Variants in RORA observed in about 807,000 individuals in gnomAD.
The protein encoded by RORA is RAR related orphan receptor A, also known as nuclear receptor ROR-alpha.
A neutral mutation model predicts 69.5 loss-of-function variants in RORA; 7 were observed. That is an observed-to-expected ratio of 0.10 (90% CI 0.06 to 0.19). The LOEUF (loss-of-function observed/expected upper bound fraction) is 0.19, where lower values mean the gene tolerates loss of function less well. Among genes scored for constraint, RORA ranks in the 10% least tolerant of loss-of-function variants. The probability of loss-of-function intolerance (pLI) is 1.00; values close to 1 mark genes in which losing one functional copy is unlikely to be tolerated. For missense variants in RORA, 457 were observed against 663.0 expected, an observed-to-expected ratio of 0.69 and a Z score of 3.41; for synonymous variants, 261 against 240.8, an observed-to-expected ratio of 1.08 and a Z score of -0.78.
intron 1 of RORA, among the ~76,000 whole-genome samples, chr15:60,696,849 A>G (rs1014306181): frequency 6.6e-6 from 1 of 152,206 alleles, no homozygotes; most frequent in Non-Finnish European, 1.5e-5. Flanking sequence ...GGCCAGAGCA[A>G]AGGTAAAAGA....
chr15:60,968,852 CATGT>C (rs1298621392), intron 1 of RORA, among the ~76,000 whole-genome samples: 1 of 152,156 alleles, frequency 6.6e-6, no homozygotes, highest in Admixed American at 6.5e-5. Context: ...ATGTACCCAT[CATGT>C]TTTTGATAGC....
intron 1 of RORA, among the ~76,000 whole-genome samples, chr15:60,684,546 G>A (rs2140760819): frequency 6.6e-6 from 1 of 152,344 alleles, no homozygotes; most frequent in Admixed American, 6.5e-5. Context: ...GAACCTGGGA[G>A]GTGGAGGTTG....
chr15:60,878,336 T>C (rs1248710347), intron 1 of RORA, among the ~76,000 whole-genome samples: 1 of 107,854 alleles, frequency 9.3e-6, no homozygotes, highest in African/African-American at 3.9e-5. Context: ...AGAGCAAGAC[T>C]CTGTCTCAAA....
At chr15:60,753,143 G>A (rs1472060141) in intron 1 of RORA, among the ~76,000 whole-genome samples, 2 of 152,210 alleles carry the variant, frequency 1.3e-5, no homozygotes, top group African/African-American at 4.8e-5. Context: ...AAAGGTTAGA[G>A]GTTCAGAACA....
At chr15:61,123,450 T>C (rs2079119642) in intron 1 of RORA, among the ~76,000 whole-genome samples, 1 of 152,074 alleles carries the variant, frequency 6.6e-6, no homozygotes, top group Non-Finnish European at 1.5e-5. Context: ...GTCTAATCCA[T>C]ATTAGGGGGC....
At chr15:60,639,703 G>C (rs1410855239) in intron 2 of RORA, among the ~76,000 whole-genome samples, 1 of 152,192 alleles carries the variant, frequency 6.6e-6, no homozygotes, top group Non-Finnish European at 1.5e-5. Flanking sequence ...CACCTCAGGA[G>C]GGGAGGCGGG....
intron 1 of RORA, among the ~76,000 whole-genome samples, chr15:61,185,305 C>G (rs1406433122): frequency 6.6e-6 from 1 of 152,044 alleles, no homozygotes; most frequent in Non-Finnish European, 1.5e-5. Flanking sequence ...ACCTGTTGAT[C>G]CCATCTTTTT....
intron 1 of RORA, among the ~76,000 whole-genome samples, chr15:61,132,721 C>T (rs2079202143): frequency 6.6e-6 from 1 of 152,162 alleles, no homozygotes; most frequent in Non-Finnish European, 1.5e-5. Context: ...ATGCAAACAG[C>T]TGAAAGAACA....
intron 3 of RORA, among the ~76,000 whole-genome samples, chr15:60,516,055 ATT>A (rs1417872798): frequency 1.1e-3 from 4 of 3,612 alleles, no homozygotes; most frequent in Admixed American, 9.6e-3. Context: ...ATTTATATAT[ATT>A]TATATATATT....
chr15:61,014,077 C>A (rs1353694606), intron 1 of RORA, among the ~76,000 whole-genome samples: 1 of 151,970 alleles, frequency 6.6e-6, no homozygotes, highest in Non-Finnish European at 1.5e-5. Flanking sequence ...GCCACCGCAC[C>A]CGGCCGGGTT....
At chr15:60,702,207 G>C (rs2070992667) in intron 1 of RORA, among the ~76,000 whole-genome samples, 1 of 152,122 alleles carries the variant, frequency 6.6e-6, no homozygotes, top group Non-Finnish European at 1.5e-5. Flanking sequence ...TCTTCTCATA[G>C]GGTTGTAATT....
intron 1 of RORA, among the ~76,000 whole-genome samples, chr15:61,040,263 T>C (rs749165025): frequency 1.3e-5 from 2 of 150,194 alleles, no homozygotes; most frequent in Non-Finnish European, 3.0e-5. Context: ...ATACATCCCA[T>C]CAGAATTTGT....
intron 2 of RORA, among the ~76,000 whole-genome samples, chr15:60,619,414 G>T (rs186857): frequency 1 from 152,359 of 152,374 alleles, 76,172 homozygotes; most frequent in Non-Finnish European, 1. Flanking sequence ...GCAACCCATA[G>T]TCACAGATGA....
intron 1 of RORA, among the ~76,000 whole-genome samples, chr15:60,760,744 A>G (rs1194505344): frequency 6.6e-6 from 1 of 152,188 alleles, no homozygotes; most frequent in Non-Finnish European, 1.5e-5. Flanking sequence ...TTATTTGTTT[A>G]ACAAATCAGG....
At chr15:60,805,329 T>C (rs998534535) in intron 1 of RORA, among the ~76,000 whole-genome samples, 5 of 152,120 alleles carry the variant, frequency 3.3e-5, no homozygotes, top group African/African-American at 1.2e-4. Context: ...TTCAAAGTCA[T>C]AGGAAAGACA....
chr15:60,815,131 C>T (rs1366849083), intron 1 of RORA, among the ~76,000 whole-genome samples: 1 of 152,150 alleles, frequency 6.6e-6, no homozygotes. Flanking sequence ...AATGATGCTT[C>T]ACCCAACTTG....
At chr15:60,947,017 G>T (rs914361895) in intron 1 of RORA, among the ~76,000 whole-genome samples, 1 of 138,486 alleles carries the variant, frequency 7.2e-6, no homozygotes, top group African/African-American at 2.5e-5. Flanking sequence ...GGAGGGAGGT[G>T]GGGGGCCAGC....
chr15:61,009,220 T>C (rs926584082), intron 1 of RORA, among the ~76,000 whole-genome samples: 1 of 152,240 alleles, frequency 6.6e-6, no homozygotes, highest in Admixed American at 6.5e-5. Flanking sequence ...GCTGCCTTTC[T>C]TTCCCTATAA....
chr15:60,807,651 C>T (rs1313514462), intron 1 of RORA, among the ~76,000 whole-genome samples: 1 of 152,174 alleles, frequency 6.6e-6, no homozygotes, highest in African/African-American at 2.4e-5. Context: ...AATCTGGAGG[C>T]ATCACATTAT....
Sources: gnomAD v4.1 joint callset for allele counts (sites outside exome capture counted in the v4.1 genomes callset) on GRCh38, gnomAD v4.1.1 for gene constraint, MANE v1.5 for transcripts, NCBI Gene and HGNC (gene_info 2026-07-23, HGNC 2026-07-21) for gene names.